Variants in PTPRT observed in about 807,000 individuals in gnomAD.
The protein encoded by PTPRT is receptor-type tyrosine-protein phosphatase T.
In PTPRT, 56 loss-of-function variants were observed where a neutral mutation model predicts 176.8. The observed-to-expected ratio is 0.32, with a 90% CI of 0.26 to 0.40. PTPRT has a LOEUF of 0.40. PTPRT is among the 10% of genes least tolerant of loss of function. PTPRT has a pLI of 1.00. For missense variants in PTPRT, 1,540 were observed against 1,908.2 expected (o/e 0.81, Z 3.60); for synonymous variants, 783 against 739.0 (o/e 1.06, Z -0.96).
At chr20:42,750,949 C>T (rs942489004) in intron 6 of PTPRT, among the ~76,000 whole-genome samples, 1 of 152,176 alleles carries the variant, frequency 6.6e-6, no homozygotes, top group Non-Finnish European at 1.5e-5. Context: ...GGTACATTAT[C>T]ACAACTCAAT....
chr20:42,461,940 T>A (rs1257288162), intron 8 of PTPRT, among the ~76,000 whole-genome samples: 4 of 151,172 alleles, frequency 2.6e-5, no homozygotes, highest in Non-Finnish European at 5.9e-5. Flanking sequence ...ATATATCCAG[T>A]TACAAAGGGA....
the PTPRT span, among the ~76,000 whole-genome samples, chr20:42,066,811 CCTTT>C: frequency 1.3e-5 from 2 of 151,980 alleles, no homozygotes; most frequent in East Asian, 1.9e-4. Flanking sequence ...TATTATATCC[CCTTT>C]CTGTCTCCTA....
chr20:43,086,689 CTT>C (rs1383084328), intron 1 of PTPRT, among the ~76,000 whole-genome samples: 3 of 152,142 alleles, frequency 2.0e-5, no homozygotes, highest in Non-Finnish European at 4.4e-5. Context: ...CCTAGAAACA[CTT>C]TAAATCTGTG....
At chr20:42,669,667 T>C (rs774105526) in intron 7 of PTPRT, among the ~76,000 whole-genome samples, 42 of 152,178 alleles carry the variant, frequency 2.8e-4, no homozygotes, top group Non-Finnish European at 4.6e-4. Flanking sequence ...AGTGATGCTG[T>C]TCTATTTTCT....
intron 1 of PTPRT, among the ~76,000 whole-genome samples, chr20:42,992,443 AAG>A (rs1983969880): frequency 6.6e-6 from 1 of 152,248 alleles, no homozygotes; most frequent in Non-Finnish European, 1.5e-5. Flanking sequence ...TTGGGCCAGT[AAG>A]CTGGCCCAGG....
chr20:42,197,045 G>A (rs1991247850), intron 16 of PTPRT, among the ~76,000 whole-genome samples: 1 of 152,048 alleles, frequency 6.6e-6, no homozygotes, highest in African/African-American at 2.4e-5. Context: ...AGACAAATCT[G>A]GATTGTGGAA....
downstream of PTPRT, among the ~76,000 whole-genome samples, chr20:42,071,206 T>G (rs1247490906): frequency 6.6e-6 from 1 of 152,164 alleles, no homozygotes; most frequent in Non-Finnish European, 1.5e-5. Context: ...GCGGCTTGTG[T>G]TTCCAGCTCA....
At chr20:42,853,511 C>G (rs1171349954) in intron 2 of PTPRT, among the ~76,000 whole-genome samples, 2 of 152,068 alleles carry the variant, frequency 1.3e-5, no homozygotes, top group African/African-American at 4.8e-5. Context: ...GTCTGATAGC[C>G]CAACAACCAG....
chr20:42,377,063 A>G (rs1033980646), intron 9 of PTPRT, among the ~76,000 whole-genome samples: 5 of 152,194 alleles, frequency 3.3e-5, no homozygotes, highest in Non-Finnish European at 7.3e-5. Context: ...TTTGGTTCAT[A>G]TTGCAATTAC....
intron 7 of PTPRT, among the ~76,000 whole-genome samples, chr20:42,609,338 T>C (rs2073935651): frequency 6.6e-6 from 1 of 152,140 alleles, no homozygotes; most frequent in Non-Finnish European, 1.5e-5. Context: ...CCTCCCAAAG[T>C]GCTGGGATTG....
intron 1 of PTPRT, among the ~76,000 whole-genome samples, chr20:42,993,213 C>A (rs1278383043): frequency 4.0e-5 from 6 of 151,532 alleles, no homozygotes; most frequent in Admixed American, 6.6e-5. Context: ...GGTCAAGAGA[C>A]TGAGACCAGC....
intron 6 of PTPRT, among the ~76,000 whole-genome samples, chr20:42,721,564 C>T (rs1030182167): frequency 3.9e-5 from 6 of 152,174 alleles, no homozygotes; most frequent in Admixed American, 6.5e-5. Flanking sequence ...TGCTGAGAAA[C>T]GGACACAAAC....
intron 1 of PTPRT, among the ~76,000 whole-genome samples, chr20:43,008,344 A>G (rs1331381949): frequency 6.6e-6 from 1 of 152,174 alleles, no homozygotes; most frequent in African/African-American, 2.4e-5. Context: ...GACACTCTCC[A>G]AACACCAGAT....
intron 7 of PTPRT, among the ~76,000 whole-genome samples, chr20:42,515,166 C>T (rs1288367538): frequency 2.0e-5 from 3 of 152,140 alleles, no homozygotes; most frequent in African/African-American, 4.8e-5. Context: ...CTTTTCAATG[C>T]AATTTTATAA....
intron 16 of PTPRT, among the ~76,000 whole-genome samples, chr20:42,161,926 T>C (rs1037903271): frequency 1.3e-5 from 2 of 152,126 alleles, no homozygotes; most frequent in African/African-American, 4.8e-5. Context: ...TAGTGCCTGA[T>C]GCCTGTCTGC....
intron 7 of PTPRT, among the ~76,000 whole-genome samples, chr20:42,531,926 A>G (rs1414459122): frequency 1.3e-5 from 2 of 152,152 alleles, no homozygotes; most frequent in African/African-American, 2.4e-5. Flanking sequence ...AAGCCGTGCT[A>G]TTGTCTGTCT....
intron 1 of PTPRT, among the ~76,000 whole-genome samples, chr20:43,163,466 G>A (rs530827090): frequency 9.9e-5 from 15 of 152,108 alleles, no homozygotes; most frequent in East Asian, 1.9e-4. Flanking sequence ...GTGAAACCCC[G>A]TCTCTACTAA....
At chr20:42,884,955 A>T (rs2079079080) in intron 2 of PTPRT, among the ~76,000 whole-genome samples, 1 of 151,988 alleles carries the variant, frequency 6.6e-6, no homozygotes, top group African/African-American at 2.4e-5. Context: ...TTAGAGTCTA[A>T]GTGTTCTCTC....
chr20:42,841,511 G>C (rs1053622064), intron 2 of PTPRT, among the ~76,000 whole-genome samples: 2 of 152,020 alleles, frequency 1.3e-5, no homozygotes, highest in African/African-American at 4.8e-5. Context: ...TATTTCCACA[G>C]TGAGGCATAT....
Sources: gnomAD v4.1 joint callset for allele counts (sites outside exome capture counted in the v4.1 genomes callset) on GRCh38, gnomAD v4.1.1 for gene constraint, MANE v1.5 for transcripts, NCBI Gene and HGNC (gene_info 2026-07-23, HGNC 2026-07-21) for gene names.